Variants in TMPRSS15 observed in about 807,000 individuals in gnomAD.
TMPRSS15 encodes enteropeptidase.
In TMPRSS15, 128 loss-of-function variants were observed where a neutral mutation model predicts 125.3. The ratio of observed to expected loss-of-function variants is 1.02; its 90% CI spans 0.89 to 1.18. The LOEUF is 1.18. TMPRSS15 is among the 50% of genes most tolerant of loss of function. The probability of loss-of-function intolerance (pLI) is 0.00; values close to 1 mark genes in which losing one functional copy is unlikely to be tolerated. For synonymous variants in TMPRSS15, 446 were observed against 423.2 expected (o/e 1.05, Z -0.66); for missense variants, 1,283 against 1,212.7 (o/e 1.06, Z -0.86).
chr21:18,311,970 A>G (rs1183247468), intron 18 of TMPRSS15, among the ~76,000 whole-genome samples: 1 of 152,204 alleles, frequency 6.6e-6, no homozygotes, highest in Non-Finnish European at 1.5e-5. Flanking sequence ...CTTTTTAAAG[A>G]CAAGGATTAG....
rs544135454 is a variant in TMPRSS15 at position 18,319,681 on chromosome 21, G to A, written c.1922-4425C>T. Reference sequence around the variant, plus strand: ...CGACCTCAGGTGATCTGGCCGCCTCGGCCTCCCAAAGTGCTGGGATTACAG... The same window carrying A: ...CGACCTCAGGTGATCTGGCCGCCTCAGCCTCCCAAAGTGCTGGGATTACAG... On this transcript the variant is annotated intron_variant, in intron 16 of 24. Transcript: ENST00000284885. 4.8e-3 allele frequency among the ~76,000 whole-genome samples: 731 copies of A among 152,134 alleles called. 3 individuals carry two copies. Among genetic ancestry groups the A allele is most frequent in the African/African-American group, 0.017 (696 of 41,516 alleles).
intron 7 of TMPRSS15, among the ~76,000 whole-genome samples, chr21:18,360,074 G>C (rs1224157408): frequency 6.6e-6 from 1 of 152,048 alleles, no homozygotes; most frequent in East Asian, 1.9e-4. Context: ...CTGAAACTCT[G>C]TATCACTGAA....
chr21:18,398,200 A>G lies in TMPRSS15; in HGVS notation c.275T>C (p.Met92Thr). 1 of 1,613,812 alleles carries G rather than the reference A, an allele frequency of 6.2e-7. No homozygotes were observed. Among genetic ancestry groups the G allele is most frequent in the Non-Finnish European group, 8.5e-7 (1 of 1,179,776 alleles). The change falls in exon 2 of 25, where the codon ATG becomes ACG. Residue 92 changes from methionine (M) to threonine (T), a missense_variant and splice_region_variant. Met to Thr is a moderately conservative substitution (Grantham distance 81, BLOSUM62 -1). Coordinates refer to ENST00000284885, the MANE Select transcript of TMPRSS15 (RefSeq NM_002772.3). ...TGAAACCAGCTGTCAGTCTCCTACC[A>G]TTTGCTGAAGGTCAAAAGCAAGAAC... ...FKVLAFDLQQMIDEIFLSSNL... is the reference protein window; with the variant it reads ...FKVLAFDLQQTIDEIFLSSNL...
chr21:18,391,590 C>G (rs551470500), intron 3 of TMPRSS15, among the ~76,000 whole-genome samples: 28 of 152,346 alleles, frequency 1.8e-4, no homozygotes, highest in South Asian at 4.1e-4. Flanking sequence ...TCCCCTACCC[C>G]CACTGGCTGC....
chr21:18,305,714 A>C (rs973392276), intron 18 of TMPRSS15, among the ~76,000 whole-genome samples: 4 of 152,218 alleles, frequency 2.6e-5, no homozygotes. Flanking sequence ...CAGAGCAGAC[A>C]TAATTATCTT....
intron 3 of TMPRSS15, among the ~76,000 whole-genome samples, chr21:18,385,766 A>G (rs9979832): frequency 6.4e-4 from 96 of 151,094 alleles, no homozygotes; most frequent in African/African-American, 1.8e-3. Context: ...TTTTTTTGAG[A>G]TGGAGTCTCT....
chr21:18,461,034 T>C (rs1276639722), intron 1 of TMPRSS15, among the ~76,000 whole-genome samples: 4 of 152,164 alleles, frequency 2.6e-5, no homozygotes, highest in Admixed American at 2.6e-4. Context: ...AACATAGAAA[T>C]TTACCTTCCT....
At chr21:18,329,410 A>G in intron 14 of TMPRSS15, 116 bp from the exon 15 acceptor site, 1 of 1,089,794 alleles carries the variant, frequency 9.2e-7, no homozygotes, top group South Asian at 1.6e-5. Flanking sequence ...TTTCCACTTC[A>G]TGAAAATCAG....
chr21:18,278,593 C>A (rs111769042), intron 23 of TMPRSS15, among the ~76,000 whole-genome samples: 344 of 46,326 alleles, frequency 7.4e-3, no homozygotes, highest in Non-Finnish European at 0.011. Flanking sequence ...TGGTGGCAGG[C>A]GCCTGTGGTC....
intron 13 of TMPRSS15, among the ~76,000 whole-genome samples, chr21:18,336,711 G>A (rs1369601963): frequency 6.6e-6 from 1 of 152,152 alleles, no homozygotes; most frequent in Non-Finnish European, 1.5e-5. Context: ...CCAGACTGGA[G>A]TGCTGTGGCT....
At chr21:18,282,686 C>T (rs1366614892) in intron 21 of TMPRSS15, among the ~76,000 whole-genome samples, 1 of 152,136 alleles carries the variant, frequency 6.6e-6, no homozygotes, top group Non-Finnish European at 1.5e-5. Context: ...CTACTTGGTG[C>T]CAAGTGCAAT....
rs142775372 is a variant in TMPRSS15, at chr21:18,315,180, C to T, written c.1998G>A (p.Leu666=). The T allele has an allele frequency of 1.9e-5, 31 of 1,613,806 alleles. No individual in the cohort carries two copies. The African/African-American group carries it at 4.0e-4, about 21-fold the overall frequency. ...CTTCATCTGAGCCATCCTCACAGTG[C>T]AGATGACCGTCACAGAGATTCACCA... ...VPLVNLCDGH[L]HCEDGSDEAD... is the part of the protein sequence containing the mutation. The change falls in exon 17 of 25, where the codon CTG becomes CTA. Residue 666 remains leucine, a synonymous_variant. Coordinates refer to ENST00000284885, the MANE Select transcript of TMPRSS15 (RefSeq NM_002772.3).
chr21:18,365,819 C>T (rs1458727990), intron 6 of TMPRSS15, among the ~76,000 whole-genome samples: 1 of 148,114 alleles, frequency 6.8e-6, no homozygotes, highest in African/African-American at 2.5e-5. Context: ...TCTCGGCTCA[C>T]TGCCTCCTGT....
intron 1 of TMPRSS15, among the ~76,000 whole-genome samples, chr21:18,440,191 G>A (rs1025221023): frequency 4.0e-5 from 6 of 151,372 alleles, no homozygotes; most frequent in Admixed American, 2.6e-4. Context: ...TGGCTAACAC[G>A]GTGAAACCTC....
intron 1 of TMPRSS15, among the ~76,000 whole-genome samples, chr21:18,414,685 T>A (rs1452692207): frequency 1.3e-5 from 2 of 152,210 alleles, no homozygotes; most frequent in Non-Finnish European, 2.9e-5. Context: ...AAAGCAGAAT[T>A]TCCTTCCCTT....
chr21:18,329,774 TAAAAC>T (rs1322980196), intron 14 of TMPRSS15, among the ~76,000 whole-genome samples: 5 of 151,714 alleles, frequency 3.3e-5, no homozygotes, highest in Non-Finnish European at 4.4e-5. Context: ...AAAAACAAAA[TAAAAC>T]AAGACTACCA....
intron 18 of TMPRSS15, among the ~76,000 whole-genome samples, chr21:18,300,164 G>C (rs1323751187): frequency 6.6e-6 from 1 of 152,020 alleles, no homozygotes; most frequent in Non-Finnish European, 1.5e-5. Flanking sequence ...TTTTAAGACA[G>C]AGCCCGAAGG....
At chr21:18,417,257 A>G (rs978059946) in intron 1 of TMPRSS15, among the ~76,000 whole-genome samples, 1 of 152,080 alleles carries the variant, frequency 6.6e-6, no homozygotes, top group East Asian at 1.9e-4. Flanking sequence ...TTGAATCAGA[A>G]GTCTCTACTC....
In TMPRSS15 at chr21:18,270,479, AG is replaced by A. The variant is rs1363856195; in HGVS notation, c.2905-356del. 3.9e-5 allele frequency among the ~76,000 whole-genome samples: 6 copies of A among 152,324 alleles called. No individual in the cohort carries two copies. In the East Asian group the frequency reaches 7.7e-4, roughly 20 times the overall value. ...TATTAACAGCCAATCACTTTATTTA[AG>A]GAGATCTGCTGTAAGTGCCACAAAG... On this transcript the variant is annotated intron_variant, in intron 24 of 24. Coordinates refer to ENST00000284885, the MANE Select transcript of TMPRSS15 (RefSeq NM_002772.3).
Sources: allele counts gnomAD v4.1 joint callset (sites outside exome capture counted in the v4.1 genomes callset), GRCh38; gene constraint gnomAD v4.1.1; transcripts MANE v1.5; gene names NCBI Gene and HGNC (gene_info 2026-07-23, HGNC 2026-07-21).